Variants in CLTCL1 observed in about 807,000 individuals in gnomAD.
CLTCL1 encodes clathrin heavy chain 2.
Under a neutral mutation model 190.0 loss-of-function variants are expected in CLTCL1, and 159 were observed. The ratio of observed to expected loss-of-function variants is 0.84; its 90% CI spans 0.74 to 0.95. The LOEUF (loss-of-function observed/expected upper bound fraction) is 0.95. CLTCL1 is among the 40% of genes least tolerant of loss of function. CLTCL1 has a pLI of 0.00. For synonymous variants in CLTCL1, 752 were observed against 769.6 expected (o/e 0.98, Z 0.38); for missense variants, 1,878 against 2,033.4 (o/e 0.92, Z 1.47).
chr22:19,221,616 G>A lies in CLTCL1; in HGVS notation c.2562-5C>T. 1 of 1,570,352 alleles carries A rather than the reference G, an allele frequency of 6.4e-7. No individual in the cohort carries two copies. ...CAGGGAAGCAGCAGCTTGAGCCTTT[G>A]AAAGAAGGAAGGTGCTGTAAAGTCT... On this transcript the variant is annotated splice_polypyrimidine_tract_variant and splice_region_variant and intron_variant, in intron 16 of 32. Transcript: ENST00000427926.
intron 11 of CLTCL1, 101 bp from the exon 12 acceptor site, chr22:19,226,484 C>G (rs1555956188): frequency 6.2e-6 from 8 of 1,292,232 alleles, no homozygotes; most frequent in Middle Eastern, 1.9e-4. Context: ...GCCTGGCAAC[C>G]AGAACTCACA....
intron 30 of CLTCL1, chr22:19,183,124 C>T (rs1238171233): frequency 2.2e-6 from 1 of 463,870 alleles, no homozygotes; most frequent in Non-Finnish European, 4.0e-6. Flanking sequence ...GCAGTGTGCA[C>T]ATTGGGACAG....
chr22:19,243,158 G>A (rs1278716445), intron 3 of CLTCL1, among the ~76,000 whole-genome samples: 6 of 152,016 alleles, frequency 3.9e-5, no homozygotes, highest in African/African-American at 1.5e-4. Context: ...AAAGTAAGAT[G>A]GACAAACCTA....
Position 19,233,630 on chromosome 22 carries a change from T to A in CLTCL1, c.1168-8A>T, listed in dbSNP as rs1555960418. 1 of 1,610,352 alleles carries A rather than the reference T, an allele frequency of 6.2e-7. No individual in the cohort carries two copies. Among genetic ancestry groups the A allele is most frequent in the Non-Finnish European group, 8.5e-7 (1 of 1,178,684 alleles). On this transcript the variant is annotated splice_polypyrimidine_tract_variant and splice_region_variant and intron_variant, in intron 7 of 32. Transcript: ENST00000427926. Reference sequence around the variant, plus strand: ...TCTGGTACGCAGGATTCCCTAATAATAAATGGAAAAATAGGTCATTGTGTT... The same window carrying A: ...TCTGGTACGCAGGATTCCCTAATAAAAAATGGAAAAATAGGTCATTGTGTT...
intron 22 of CLTCL1, among the ~76,000 whole-genome samples, chr22:19,204,215 T>C (rs1780643): frequency 0.75 from 114,005 of 152,024 alleles, 43,936 homozygotes; most frequent in East Asian, 0.94. Flanking sequence ...AGAGTCCTGA[T>C]GACGACCCCT....
intron 21 of CLTCL1, among the ~76,000 whole-genome samples, chr22:19,208,587 G>A (rs781916184): frequency 1.4e-4 from 22 of 151,954 alleles, no homozygotes; most frequent in Admixed American, 2.6e-4. Context: ...ACATCAGAGA[G>A]GTCGGTGCCA....
chr22:19,223,947 T>G lies in CLTCL1; in HGVS notation c.2236A>C (p.Arg746=), dbSNP rs782427724. The G allele has an allele frequency of 1.9e-6, 3 of 1,613,898 alleles. No homozygotes were observed. The highest frequency in any genetic ancestry group is 2.5e-6 in the Non-Finnish European group (3 of 1,179,860). Residue 746 remains arginine (R), a synonymous_variant, in exon 14 of 33, where the codon AGG becomes CGG. Transcript: ENST00000427926. ...TAGCAGCTGCTCTCTCGGCATATCC[T>G]CTCCACCTCCTTGATCTGCCCTGTC... ...CKTGQIKEVE[R]ICRESSCYNP...
rs782067049 is a variant in CLTCL1 at position 19,199,737 on chromosome 22, G to A, written c.3870C>T (p.Tyr1290=). 5 of 1,582,422 alleles carry A rather than the reference G, an allele frequency of 3.2e-6. No homozygotes were observed. The South Asian group carries it at 5.8e-5, about 18-fold the overall frequency. Residue 1290 remains tyrosine (Y), a synonymous_variant, in exon 24 of 33, where the codon TAC becomes TAT. Transcript: ENST00000427926. ...ADELEELMCY[Y]QDRGYFEELI... ...CCAGCAGAGATCATCTGGTCACCTG[G>A]TAATAGCACATCAGCTCCTCCAGCT...
At chr22:19,190,623 C>T (rs1478894499) in intron 27 of CLTCL1, among the ~76,000 whole-genome samples, 1 of 133,828 alleles carries the variant, frequency 7.5e-6, no homozygotes, top group Non-Finnish European at 1.6e-5. Context: ...AAAAAAAGAT[C>T]ACTGATCACA....
intron 2 of CLTCL1, among the ~76,000 whole-genome samples, chr22:19,260,858 G>A (rs1487276833): frequency 4.0e-5 from 6 of 149,208 alleles, no homozygotes; most frequent in African/African-American, 9.9e-5. Flanking sequence ...AACAAGAGTC[G>A]TGATGATAGT....
chr22:19,200,280 A>C (rs1240948849), intron 23 of CLTCL1, among the ~76,000 whole-genome samples: 1 of 152,184 alleles, frequency 6.6e-6, no homozygotes, highest in Non-Finnish European at 1.5e-5. Flanking sequence ...ATACTTAATG[A>C]TAACAAGCCT....
At chr22:19,195,862 A>C (rs1439671849) in intron 26 of CLTCL1, among the ~76,000 whole-genome samples, 1 of 152,148 alleles carries the variant, frequency 6.6e-6, no homozygotes, top group Non-Finnish European at 1.5e-5. Flanking sequence ...TGAACTAAAA[A>C]AAAAAAAGGT....
At chr22:19,252,694 T>A (rs2086627538) in intron 3 of CLTCL1, among the ~76,000 whole-genome samples, 1 of 152,256 alleles carries the variant, frequency 6.6e-6, no homozygotes, top group East Asian at 1.9e-4. Flanking sequence ...AGTCCTCAAG[T>A]ATCTGGTGAC....
chr22:19,193,839 C>G (rs1201494265), intron 26 of CLTCL1, among the ~76,000 whole-genome samples: 1 of 152,340 alleles, frequency 6.6e-6, no homozygotes, highest in East Asian at 1.9e-4. Flanking sequence ...ACAAATGAAG[C>G]TCCAGACCTT....
At position 19,233,505 on chromosome 22, in the gene CLTCL1, T is replaced by C. The variant is rs1490479532; in HGVS notation, c.1285A>G (p.Lys429Glu). The C allele has an allele frequency of 3.1e-6, 5 of 1,613,864 alleles. No individual in the cohort carries two copies. The highest frequency in any genetic ancestry group is 4.2e-6 in the Non-Finnish European group (5 of 1,179,900). ...TGGCAAAGTTCTAAGGATTCAAGTTTATTGAGCTGACCCTGGTCGAGCAGG... is the reference window on the plus strand; with the variant it reads ...TGGCAAAGTTCTAAGGATTCAAGTTCATTGAGCTGACCCTGGTCGAGCAGG... ...GILLDQGQLN[K>E]LESLELCHLV... Residue 429 changes from lysine to glutamate, a missense_variant, in exon 8 of 33, where the codon AAA becomes GAA. Transcript: ENST00000427926.
At chr22:19,257,553 A>T in intron 2 of CLTCL1, 1 of 371,704 alleles carries the variant, frequency 2.7e-6, no homozygotes, top group Non-Finnish European at 5.3e-6. Flanking sequence ...TACCTTCTCT[A>T]CTAACTACCA....
intron 18 of CLTCL1, among the ~76,000 whole-genome samples, chr22:19,217,615 C>CAAA (rs71184793): frequency 6.7e-3 from 232 of 34,478 alleles, no homozygotes; most frequent in East Asian, 0.014. Flanking sequence ...GACTCTGTCT[C>CAAA]AAAAAAAAAA....
intron 1 of CLTCL1, among the ~76,000 whole-genome samples, chr22:19,281,548 G>C (rs1434203012): frequency 6.6e-6 from 1 of 152,186 alleles, no homozygotes. Flanking sequence ...ATTTGGCAGT[G>C]ATCGGAGACG....
At chr22:19,180,638 C>T (rs1445969700) in intron 31 of CLTCL1, 93 bp downstream of exon 31, 5 of 1,248,106 alleles carry the variant, frequency 4.0e-6, no homozygotes, top group Non-Finnish European at 5.8e-6. Flanking sequence ...CTATTCCCAT[C>T]CCCATCCAAA....
Sources: allele counts gnomAD v4.1 joint callset (sites outside exome capture counted in the v4.1 genomes callset), GRCh38; gene constraint gnomAD v4.1.1; transcripts MANE v1.5; gene names NCBI Gene and HGNC (gene_info 2026-07-23, HGNC 2026-07-21).